Variants in USP10 observed in about 807,000 individuals in gnomAD.
The protein encoded by USP10 is ubiquitin carboxyl-terminal hydrolase 10.
A neutral mutation model predicts 84.5 loss-of-function variants in USP10; 22 were observed. The ratio of observed to expected loss-of-function variants is 0.26; its 90% CI spans 0.19 to 0.37. The LOEUF is 0.37. Among genes scored for constraint, USP10 ranks in the 10% least tolerant of loss-of-function variants. The pLI, the probability that USP10 is intolerant of heterozygous loss-of-function variation, is 1.00. For synonymous variants in USP10, 454 were observed against 387.6 expected (o/e 1.17, Z -2.01); for missense variants, 1,019 against 998.9 (o/e 1.02, Z -0.27).
chr16:84,732,170 T>G (rs1235169237), intron 1 of USP10, among the ~76,000 whole-genome samples: 1 of 152,202 alleles, frequency 6.6e-6, no homozygotes, highest in East Asian at 1.9e-4. Context: ...TAGTGGCCAT[T>G]TATTCACATT....
At chr16:84,754,249 CAGAATG>C (rs1178183289) in intron 4 of USP10, among the ~76,000 whole-genome samples, 1 of 152,102 alleles carries the variant, frequency 6.6e-6, no homozygotes, top group Non-Finnish European at 1.5e-5. Context: ...AGATTAATAA[CAGAATG>C]ATACGGTATT....
intron 9 of USP10, among the ~76,000 whole-genome samples, chr16:84,763,788 C>T (rs1483741903): frequency 6.6e-6 from 1 of 151,340 alleles, no homozygotes; most frequent in African/African-American, 2.4e-5. Context: ...AGTGACGTTG[C>T]ACCTGTTGCG....
At chr16:84,753,736 A>G (rs1203178571) in intron 4 of USP10, among the ~76,000 whole-genome samples, 1 of 152,236 alleles carries the variant, frequency 6.6e-6, no homozygotes, top group Non-Finnish European at 1.5e-5. Context: ...TTTCTAACAA[A>G]TATGAGTGGA....
At chr16:84,721,306 T>G (rs529412070) in intron 1 of USP10, among the ~76,000 whole-genome samples, 7 of 152,316 alleles carry the variant, frequency 4.6e-5, no homozygotes, top group African/African-American at 1.7e-4. Flanking sequence ...TACTGAAGAA[T>G]TCTTCTTCCG....
chr16:84,704,841 C>T, intron 1 of USP10: 1 of 1,535,700 alleles, frequency 6.5e-7, no homozygotes, highest in African/African-American at 1.4e-5. Context: ...CCCTGGTTGC[C>T]CTCTCCTGGA....
chr16:84,747,092 C>A (rs141098957), intron 4 of USP10, among the ~76,000 whole-genome samples: 1 of 152,194 alleles, frequency 6.6e-6, no homozygotes, highest in East Asian at 1.9e-4. Context: ...ATCATACGTG[C>A]GGCTCATTGT....
intron 4 of USP10, among the ~76,000 whole-genome samples, chr16:84,752,419 C>G (rs1912037230): frequency 6.6e-6 from 1 of 152,202 alleles, no homozygotes; most frequent in Admixed American, 6.5e-5. Flanking sequence ...GAATGCAGGT[C>G]AAGTTTCAAC....
rs1019492510 is a variant in USP10, at chr16:84,709,980, G to A, written c.21+9869G>A. Among the ~76,000 whole-genome samples the A allele has an allele frequency of 8.5e-5, 13 of 152,150 alleles. No individual in the cohort carries two copies. In the South Asian group the frequency reaches 1.7e-3, roughly 19 times the overall value. On this transcript the variant is annotated intron_variant, in intron 1 of 13. Transcript: ENST00000219473. ...TTGGTAGCAACTCTGTGTTAAGATA[G>A]CTGGTTGAGGCCGGGTGCGAGGCTC...
chr16:84,773,664 C>T (rs1190050717), intron 12 of USP10, among the ~76,000 whole-genome samples: 2 of 152,204 alleles, frequency 1.3e-5, no homozygotes, highest in African/African-American at 2.4e-5. Flanking sequence ...CCTTATCACT[C>T]ATCAGCCGAT....
At chr16:84,744,599 T>C in intron 3 of USP10, 34 bp from the exon 4 acceptor site, 1 of 1,538,558 alleles carries the variant, frequency 6.5e-7, no homozygotes, top group East Asian at 2.3e-5. Context: ...TTTGTAGAAC[T>C]GGGTTCTTAA....
intron 11 of USP10, among the ~76,000 whole-genome samples, chr16:84,770,785 A>G (rs1017367324): frequency 2.6e-5 from 4 of 151,210 alleles, no homozygotes; most frequent in African/African-American, 9.7e-5. Context: ...AAAAAAAAAA[A>G]AAAAATCTCC....
intron 2 of USP10, among the ~76,000 whole-genome samples, chr16:84,738,648 C>A (rs1023460665): frequency 5.3e-5 from 8 of 152,180 alleles, no homozygotes; most frequent in Non-Finnish European, 1.5e-5. Context: ...GTGATGCGTA[C>A]TAGGTTGCCC....
At position 84,745,688 on chromosome 16, in the gene USP10, A is replaced by G. The variant is rs778639246; in HGVS notation, c.1192+15A>G. ...AAAGATTGCAGGTATAGTTGAAAAG[A>G]TACAAATCTAGAGTGAAGATGGGAG... On this transcript the variant is annotated intron_variant, in intron 4 of 13. Transcript: ENST00000219473. 6.3e-7 allele frequency: 1 copy of G among 1,593,558 alleles called. No individual in the cohort carries two copies. The highest frequency in any genetic ancestry group is 8.6e-7 in the Non-Finnish European group (1 of 1,169,156).
chr16:84,769,081 A>C (rs1914161130), intron 11 of USP10, among the ~76,000 whole-genome samples: 1 of 152,198 alleles, frequency 6.6e-6, no homozygotes. Flanking sequence ...GTGGCAGTGA[A>C]TTCATAAAAA....
At chr16:84,775,654 G>A (rs1183049964) in intron 13 of USP10, among the ~76,000 whole-genome samples, 1 of 152,176 alleles carries the variant, frequency 6.6e-6, no homozygotes, top group Non-Finnish European at 1.5e-5. Context: ...GGTATTGTTA[G>A]GGCTGCTTGA....
chr16:84,733,494 T>A lies in USP10; in HGVS notation c.81T>A (p.Ser27=). 6.2e-7 allele frequency: 1 copy of A among 1,609,674 alleles called. No individual in the cohort carries two copies. The highest frequency in any genetic ancestry group is 8.5e-7 in the Non-Finnish European group (1 of 1,178,796). ...ATCAATTCTTTGTGACTCCTCGATCTTCAGTTGAGGTAAGACAAAACTTTG... is the reference window on the plus strand; with the variant it reads ...ATCAATTCTTTGTGACTCCTCGATCATCAGTTGAGGTAAGACAAAACTTTG... The part of the protein sequence containing the change: ...EFNQFFVTPR[S]SVELPPYSGT... The change falls in exon 2 of 14, where the codon TCT becomes TCA. Residue 27 remains serine, a synonymous_variant. Transcript: ENST00000219473.
intron 3 of USP10, among the ~76,000 whole-genome samples, chr16:84,741,167 C>T (rs528261491): frequency 4.6e-5 from 7 of 152,202 alleles, no homozygotes; most frequent in Non-Finnish European, 1.0e-4. Flanking sequence ...ACAATTTAGG[C>T]TTCAATAGAA....
At chr16:84,732,142 C>T (rs577459491) in intron 1 of USP10, among the ~76,000 whole-genome samples, 4 of 152,198 alleles carry the variant, frequency 2.6e-5, no homozygotes, top group African/African-American at 9.6e-5. Context: ...TGCATTCTTA[C>T]CAGGAGGGTA....
Position 84,764,226 on chromosome 16 carries a change from C to G in USP10, c.1795C>G (p.Gln599Glu). The G allele has an allele frequency of 6.2e-7, 1 of 1,614,026 alleles. No homozygotes were observed. Among genetic ancestry groups the G allele is most frequent in the Non-Finnish European group, 8.5e-7 (1 of 1,179,888 alleles). The part of the protein sequence containing the change: ...TSVTRQADFV[Q>E]TPITGIFGGH... ...CGTCACCCGCCAGGCGGATTTTGTT[C>G]AGACTCCAATCACCGGCATTTTTGG... is the stretch of plus-strand genomic sequence containing the variant. The change falls in exon 10 of 14, where the codon CAG becomes GAG. Residue 599 changes from glutamine to glutamate, a missense_variant. Physicochemically the swap from Gln to Glu is conservative, Grantham distance 29. Around this residue, in one of 2 missense-constraint regions of USP10, gnomAD observed 232 missense variants for 290.1 expected, o/e 0.80. Coordinates refer to ENST00000219473, the MANE Select transcript of USP10 (RefSeq NM_005153.3).
Sources: allele counts gnomAD v4.1 joint callset (sites outside exome capture counted in the v4.1 genomes callset), GRCh38; gene constraint gnomAD v4.1.1; regional missense constraint gnomAD v4.1.1; transcripts MANE v1.5; gene names NCBI Gene and HGNC (gene_info 2026-07-23, HGNC 2026-07-21).